The following COMMD10 variants were observed in gnomAD, a reference collection of about 807,000 sequenced individuals.
COMMD10 encodes the protein COMM domain containing 10.
In COMMD10, 33 loss-of-function variants were observed where a neutral mutation model predicts 28.9. That is an observed-to-expected ratio of 1.14 (90% CI 0.87 to 1.53). The LOEUF (loss-of-function observed/expected upper bound fraction) is 1.53, where lower values mean the gene tolerates loss of function less well. Among genes scored for constraint, COMMD10 ranks in the 40% most tolerant of loss-of-function variants. COMMD10 has a pLI of 0.00. For synonymous variants in COMMD10, 110 were observed against 81.7 expected, an observed-to-expected ratio of 1.35 and a Z score of -1.87; for missense variants, 310 against 233.4, an observed-to-expected ratio of 1.33 and a Z score of -2.14.
intron 5 of COMMD10, among the ~76,000 whole-genome samples, chr5:116,153,248 A>C (rs1752596334): frequency 6.6e-6 from 1 of 152,116 alleles, no homozygotes. Flanking sequence ...TCGTTCCTGA[A>C]AAAATATAAG....
chr5:116,136,016 G>A (rs748222009), intron 5 of COMMD10, among the ~76,000 whole-genome samples: 13 of 152,108 alleles, frequency 8.5e-5, no homozygotes, highest in African/African-American at 1.2e-4. Flanking sequence ...GTATTACAGC[G>A]TGTGCTCAAT....
At chr5:116,145,807 C>G (rs1345681438) in intron 5 of COMMD10, among the ~76,000 whole-genome samples, 1 of 151,904 alleles carries the variant, frequency 6.6e-6, no homozygotes, top group Non-Finnish European at 1.5e-5. Context: ...TTGCTCAGCA[C>G]TTCTCCTTCC....
chr5:116,268,232 A>T (rs250327), intron 5 of COMMD10, among the ~76,000 whole-genome samples: 8 of 151,810 alleles, frequency 5.3e-5, no homozygotes, highest in Non-Finnish European at 2.9e-5. Context: ...GAATCTACAA[A>T]GAACTTAAAC....
chr5:116,088,448 T>C (rs571304557), intron 2 of COMMD10, among the ~76,000 whole-genome samples: 200 of 152,350 alleles, frequency 1.3e-3, no homozygotes, highest in Non-Finnish European at 2.0e-3. Context: ...TTTCTAAATT[T>C]TTTTTCCTGA....
chr5:116,093,491 C>G (rs557239663), intron 4 of COMMD10, among the ~76,000 whole-genome samples: 1 of 152,066 alleles, frequency 6.6e-6, no homozygotes, highest in African/African-American at 2.4e-5. Flanking sequence ...TCCTGTAATC[C>G]TAACTGTGGG....
intron 5 of COMMD10, among the ~76,000 whole-genome samples, chr5:116,176,147 T>C (rs1753503492): frequency 6.6e-6 from 1 of 152,204 alleles, no homozygotes; most frequent in African/African-American, 2.4e-5. Flanking sequence ...AGATTGTCTT[T>C]GTCTCCCAGG....
chr5:116,276,137 G>T (rs944517266), intron 5 of COMMD10, among the ~76,000 whole-genome samples: 2 of 151,370 alleles, frequency 1.3e-5, no homozygotes, highest in Non-Finnish European at 2.9e-5. Context: ...TGCAGAGGAG[G>T]TAACACTTCA....
intron 5 of COMMD10, among the ~76,000 whole-genome samples, chr5:116,223,946 A>G (rs1749326940): frequency 1.3e-5 from 2 of 152,166 alleles, no homozygotes; most frequent in South Asian, 2.1e-4. Flanking sequence ...AATTCATTTT[A>G]TAAATTTTTT....
chr5:116,190,027 C>T (rs192934461), intron 5 of COMMD10, among the ~76,000 whole-genome samples: 259 of 152,252 alleles, frequency 1.7e-3, no homozygotes, highest in African/African-American at 5.9e-3. Flanking sequence ...TGACCTATGC[C>T]TAAGCAATCA....
chr5:116,189,277 T>C (rs759928108), intron 5 of COMMD10, among the ~76,000 whole-genome samples: 9 of 151,984 alleles, frequency 5.9e-5, no homozygotes, highest in Non-Finnish European at 2.9e-5. Context: ...TTTATTCTTC[T>C]AGTGGTTTCC....
chr5:116,240,238 G>A (rs1327824574), intron 5 of COMMD10, among the ~76,000 whole-genome samples: 1 of 151,704 alleles, frequency 6.6e-6, no homozygotes, highest in Admixed American at 6.6e-5. Flanking sequence ...TAACAAAAAA[G>A]AAAAAAGATG....
chr5:116,289,592 G>A (rs1751312600), intron 5 of COMMD10, among the ~76,000 whole-genome samples: 1 of 151,798 alleles, frequency 6.6e-6, no homozygotes, highest in South Asian at 2.1e-4. Flanking sequence ...CAGTTCCTTG[G>A]GAATCCCCCA....
intron 5 of COMMD10, among the ~76,000 whole-genome samples, chr5:116,223,341 A>G (rs1749313595): frequency 7.0e-6 from 1 of 142,176 alleles, no homozygotes; most frequent in African/African-American, 2.9e-5. Flanking sequence ...AGTTCTTATT[A>G]CAATGTAATA....
At chr5:116,124,392 T>G (rs576066057) in intron 4 of COMMD10, among the ~76,000 whole-genome samples, 1 of 152,246 alleles carries the variant, frequency 6.6e-6, no homozygotes, top group Admixed American at 6.5e-5. Context: ...AGTGAGTTTC[T>G]TAATCCTGAG....
At chr5:116,163,000 TCA>T (rs1485821499) in intron 5 of COMMD10, among the ~76,000 whole-genome samples, 5 of 152,096 alleles carry the variant, frequency 3.3e-5, no homozygotes, top group African/African-American at 4.8e-5. Context: ...TACTCCTCTC[TCA>T]GTTTCTAGAA....
In COMMD10 at chr5:116,267,437, C is replaced by T. The variant is rs36194147; in HGVS notation, c.511-24080C>T. On this transcript the variant is annotated intron_variant, in intron 5 of 6. Transcript: ENST00000274458. ...AGGAGAACTACAAACCACTGCTCAA[C>T]GAAATAAAAGAGGACACAAACAAAT... 4.6e-5 allele frequency among the ~76,000 whole-genome samples: 7 copies of T among 151,572 alleles called. 1 individual carries two copies. The highest frequency in any genetic ancestry group is 2.1e-4 in the South Asian group (1 of 4,806).
intron 4 of COMMD10, among the ~76,000 whole-genome samples, chr5:116,099,739 C>A (rs953961458): frequency 1.3e-5 from 2 of 151,856 alleles, no homozygotes; most frequent in African/African-American, 4.8e-5. Context: ...ATTTTTATGC[C>A]TTTTTTTGGT....
chr5:116,089,419 G>A (rs974758923), intron 2 of COMMD10, among the ~76,000 whole-genome samples: 1 of 152,216 alleles, frequency 6.6e-6, no homozygotes, highest in African/African-American at 2.4e-5. Context: ...AGTGAATGAT[G>A]TGGGTAATAC....
intron 5 of COMMD10, among the ~76,000 whole-genome samples, chr5:116,190,722 A>T (rs1413782750): frequency 6.6e-6 from 1 of 152,220 alleles, no homozygotes; most frequent in Non-Finnish European, 1.5e-5. Flanking sequence ...TAAAATATTA[A>T]CAAGGAAAGC....
Sources: gnomAD v4.1 joint callset for allele counts (sites outside exome capture counted in the v4.1 genomes callset) on GRCh38, gnomAD v4.1.1 for gene constraint, MANE v1.5 for transcripts, NCBI Gene and HGNC (gene_info 2026-07-23, HGNC 2026-07-21) for gene names.